The following ASAP2 variants were observed in gnomAD, a reference collection of about 807,000 sequenced individuals.
ASAP2 encodes the protein ArfGAP with SH3 domain, ankyrin repeat and PH domain 2.
ASAP2 carries 45 observed loss-of-function variants against 131.4 expected under a neutral mutation model. The observed-to-expected ratio is 0.34, with a 90% confidence interval of 0.27 to 0.44. The LOEUF is 0.44. Ranked by LOEUF, ASAP2 falls within the 20% of genes least tolerant of loss-of-function variation. The pLI, the probability that ASAP2 is intolerant of heterozygous loss-of-function variation, is 1.00. For missense variants in ASAP2, 1,011 were observed against 1,297.0 expected, an observed-to-expected ratio of 0.78 and a Z score of 3.39; for synonymous variants, 510 against 503.0, an observed-to-expected ratio of 1.01 and a Z score of -0.19.
chr2:9,246,435 C>T (rs1165414145), intron 1 of ASAP2, among the ~76,000 whole-genome samples: 3 of 151,566 alleles, frequency 2.0e-5, no homozygotes, highest in Non-Finnish European at 2.9e-5. Context: ...TACAGGTGTG[C>T]GCTAACATGC....
chr2:9,212,387 C>T lies in ASAP2; in HGVS notation c.126+5157C>T, dbSNP rs148919703. ...GGGAGGGCCTTATATGATGTCGTAC[C>T]GTTGAGTCTTGAAGTCCAGGCAGTT... On this transcript the variant is annotated intron_variant, in intron 1 of 27. Transcript: ENST00000281419. 1.6e-4 allele frequency among the ~76,000 whole-genome samples: 24 copies of T among 152,158 alleles called. No homozygotes were observed. In the East Asian group the frequency reaches 3.5e-3, roughly 22 times the overall value.
At chr2:9,317,754 A>C (rs895078541) in intron 3 of ASAP2, among the ~76,000 whole-genome samples, 1 of 150,604 alleles carries the variant, frequency 6.6e-6, no homozygotes, top group African/African-American at 2.4e-5. Context: ...ACTCACACTC[A>C]CATCCGTACA....
chr2:9,391,682 G>A (rs1438064393), intron 23 of ASAP2, among the ~76,000 whole-genome samples: 3 of 147,906 alleles, frequency 2.0e-5, no homozygotes, highest in African/African-American at 7.5e-5. Context: ...TCAAGAGATC[G>A]TCCTGCCTCA....
At chr2:9,303,806 T>C (rs1668649753) in intron 3 of ASAP2, among the ~76,000 whole-genome samples, 1 of 152,188 alleles carries the variant, frequency 6.6e-6, no homozygotes, top group Non-Finnish European at 1.5e-5. Flanking sequence ...CTGTTTCTTT[T>C]TGGGGTTGGG....
chr2:9,336,343 C>G (rs2148569836), intron 9 of ASAP2, among the ~76,000 whole-genome samples: 1 of 152,110 alleles, frequency 6.6e-6, no homozygotes, highest in Admixed American at 6.5e-5. Flanking sequence ...CTCTCTAGTC[C>G]CTCTGAAGCC....
At chr2:9,310,835 G>A (rs770345417) in intron 3 of ASAP2, among the ~76,000 whole-genome samples, 2 of 152,242 alleles carry the variant, frequency 1.3e-5, no homozygotes, top group Non-Finnish European at 2.9e-5. Context: ...AGAGATGGCT[G>A]TTTGGCTGGC....
rs926574642 is a variant in ASAP2 at position 9,264,195 on chromosome 2, A to AT, written c.127-15122_127-15121insT. Among the ~76,000 whole-genome samples, 36 of 141,930 alleles carry AT rather than the reference A, an allele frequency of 2.5e-4. 1 individual carries two copies. Among genetic ancestry groups the AT allele is most frequent in the South Asian group, 2.0e-3 (9 of 4,480 alleles). 93.1% of individuals were successfully genotyped at this position (141,930 alleles called of 152,430 possible). On this transcript the variant is annotated intron_variant, in intron 1 of 27. Transcript: ENST00000281419. Reference sequence around the variant, plus strand: ...CAGTGAGTGAGACCCTGTCTCAAAAAAATAATAATAATAATAATAATAATA... The same window carrying AT: ...CAGTGAGTGAGACCCTGTCTCAAAAATAATAATAATAATAATAATAATAATA...
At chr2:9,384,694 G>A (rs1675124935) in intron 20 of ASAP2, among the ~76,000 whole-genome samples, 1 of 152,252 alleles carries the variant, frequency 6.6e-6, no homozygotes, top group African/African-American at 2.4e-5. Flanking sequence ...AGGTGTGGGG[G>A]AGGGGACATG....
chr2:9,258,641 T>G (rs1665346992), intron 1 of ASAP2, among the ~76,000 whole-genome samples: 1 of 152,170 alleles, frequency 6.6e-6, no homozygotes, highest in African/African-American at 2.4e-5. Flanking sequence ...TCCCGGGTCC[T>G]GGGGCAGTGT....
chr2:9,263,665 C>A (rs753391883), intron 1 of ASAP2, among the ~76,000 whole-genome samples: 2 of 152,216 alleles, frequency 1.3e-5, no homozygotes, highest in African/African-American at 4.8e-5. Context: ...GGCGCTGCTT[C>A]CTTAAACTGC....
chr2:9,213,563 G>C (rs760839486), intron 1 of ASAP2, among the ~76,000 whole-genome samples: 2 of 152,186 alleles, frequency 1.3e-5, no homozygotes, highest in African/African-American at 4.8e-5. Context: ...CAGTTGTGGG[G>C]TGAGGGGCTA....
At chr2:9,298,904 G>A (rs113955333) in intron 3 of ASAP2, among the ~76,000 whole-genome samples, 5 of 152,100 alleles carry the variant, frequency 3.3e-5, no homozygotes, top group South Asian at 2.1e-4. Context: ...ATGAACGTAC[G>A]GGAAGACTGG....
chr2:9,355,948 G>C, intron 12 of ASAP2, 99 bp from the exon 13 acceptor site: 1 of 1,420,096 alleles, frequency 7.0e-7, no homozygotes, highest in Non-Finnish European at 9.9e-7. Flanking sequence ...GTAACAGAGA[G>C]CTAAGATTAT....
At chr2:9,243,185 T>C (rs1664097854) in intron 1 of ASAP2, among the ~76,000 whole-genome samples, 1 of 152,166 alleles carries the variant, frequency 6.6e-6, no homozygotes, top group African/African-American at 2.4e-5. Flanking sequence ...CTCAGCTCAC[T>C]GCAAGCTCCG....
At chr2:9,344,388 T>C (rs1671808027) in intron 9 of ASAP2, 144 bp from the exon 10 acceptor site, 1 of 634,906 alleles carries the variant, frequency 1.6e-6, no homozygotes, top group East Asian at 2.8e-5. Flanking sequence ...TGTCCCTTTT[T>C]TGCTGTGTTG....
intron 2 of ASAP2, among the ~76,000 whole-genome samples, chr2:9,280,931 A>G (rs781391395): frequency 1.3e-5 from 2 of 152,188 alleles, no homozygotes; most frequent in Non-Finnish European, 2.9e-5. Context: ...TGTTCCCAAG[A>G]TGTCTGTGCA....
intron 24 of ASAP2, among the ~76,000 whole-genome samples, chr2:9,398,201 AAC>A (rs1676336045): frequency 6.6e-6 from 1 of 151,876 alleles, no homozygotes; most frequent in Non-Finnish European, 1.5e-5. Context: ...GAATACTTGA[AAC>A]AGAGATGCTA....
At chr2:9,358,594 A>T (rs534614804) in intron 14 of ASAP2, among the ~76,000 whole-genome samples, 162 bp from the exon 15 acceptor site, 23 of 152,294 alleles carry the variant, frequency 1.5e-4, no homozygotes, top group Admixed American at 9.2e-4. Context: ...TGGGTATTGC[A>T]TGTAAATTGG....
chr2:9,274,229 CTTTA>C (rs955732269), intron 1 of ASAP2, among the ~76,000 whole-genome samples: 1 of 151,500 alleles, frequency 6.6e-6, no homozygotes, highest in African/African-American at 2.4e-5. Flanking sequence ...TTTGGAGGCC[CTTTA>C]TTTCTTTCTC....
Sources: gnomAD v4.1 joint callset for allele counts (sites outside exome capture counted in the v4.1 genomes callset) on GRCh38, gnomAD v4.1.1 for gene constraint, MANE v1.5 for transcripts, NCBI Gene and HGNC (gene_info 2026-07-23, HGNC 2026-07-21) for gene names.